The following TMEM156 variants were observed in gnomAD, a reference collection of about 807,000 sequenced individuals.
The protein encoded by TMEM156 is transmembrane protein 156.
TMEM156 carries 28 observed loss-of-function variants against 30.5 expected under a neutral mutation model. That is an observed-to-expected ratio of 0.92 (90% CI 0.68 to 1.26). The LOEUF is 1.26. TMEM156 is among the 50% of genes most tolerant of loss of function. The probability of loss-of-function intolerance (pLI) is 0.00; values close to 1 mark genes in which losing one functional copy is unlikely to be tolerated. For missense variants in TMEM156, 351 were observed against 340.6 expected (o/e 1.03, Z -0.24); for synonymous variants, 137 against 119.9 (o/e 1.14, Z -0.93).
At chr4:38,988,774 G>T (rs576643954) in intron 4 of TMEM156, 77 bp downstream of exon 4, 1 of 1,574,700 alleles carries the variant, frequency 6.4e-7, no homozygotes, top group Non-Finnish European at 8.7e-7. Flanking sequence ...CACAAGAAAT[G>T]CTAAATTGTA....
intron 5 of TMEM156, among the ~76,000 whole-genome samples, chr4:38,975,096 A>C (rs758550227): frequency 1.3e-5 from 2 of 152,136 alleles, no homozygotes; most frequent in Non-Finnish European, 2.9e-5. Context: ...CTAAAGTTAG[A>C]ATTTCTTCTT....
At chr4:38,997,406 ATGTACACCC>A (rs1488140196) in intron 2 of TMEM156, among the ~76,000 whole-genome samples, 1 of 152,212 alleles carries the variant, frequency 6.6e-6, no homozygotes, top group Non-Finnish European at 1.5e-5. Context: ...AAACTTGCAC[ATGTACACCC>A]TGAATCTATA....
In TMEM156 at chr4:38,998,729, A is replaced by C. The variant is rs1279003373; in HGVS notation, c.269T>G (p.Ile90Ser). ...GGAGCACATTTTAAATTCACCTGTG[A>C]TGTCTTGGCAAGTCCTGGTGAAGTT... ...FRNFTRTCQD[I>S]TGEFKMCSSC... Residue 90 changes from isoleucine (I) to serine (S), a missense_variant, in exon 2 of 7, where the codon ATC becomes AGC. Ile to Ser is a moderately radical substitution (Grantham distance 142). Coordinates refer to ENST00000381938, the MANE Select transcript of TMEM156 (RefSeq NM_024943.3). 13 of 1,613,916 alleles carry C rather than the reference A, an allele frequency of 8.1e-6. No homozygotes were observed. The South Asian group carries it at 1.4e-4, about 18-fold the overall frequency.
At chr4:39,011,242 A>C (rs1057038464) in intron 1 of TMEM156, among the ~76,000 whole-genome samples, 2 of 152,254 alleles carry the variant, frequency 1.3e-5, no homozygotes, top group South Asian at 2.1e-4. Flanking sequence ...CTATTATTTA[A>C]AAAATCACAG....
rs1212154469 is a variant in TMEM156, at chr4:38,993,764, G to A, written c.593C>T (p.Ser198Phe). The change falls in exon 3 of 7, where the codon TCT (serine) becomes TTT (phenylalanine). Residue 198 changes from serine to phenylalanine, a missense_variant. Ser to Phe is a radical substitution (Grantham distance 155). Coordinates refer to ENST00000381938, the MANE Select transcript of TMEM156 (RefSeq NM_024943.3). ...TTTTATATCCATCTCTAGGTGCAAA[G>A]AAATGTGTATACAATCATTCGGGTA... The part of the protein sequence containing the change: ...MEYPNDCIHI[S>F]LHLEMDIKNI... 4 of 1,613,304 alleles carry A rather than the reference G, an allele frequency of 2.5e-6. No individual in the cohort carries two copies. The highest frequency in any genetic ancestry group is 2.2e-5 in the South Asian group (2 of 91,062).
intron 5 of TMEM156, among the ~76,000 whole-genome samples, chr4:38,974,207 C>CCT (rs1553876491): frequency 7.5e-6 from 1 of 134,120 alleles, no homozygotes; most frequent in Non-Finnish European, 1.6e-5. Flanking sequence ...TTCTTTCTCT[C>CCT]TTTTTTTTTT....
At chr4:38,974,577 G>A (rs1052260068) in intron 5 of TMEM156, among the ~76,000 whole-genome samples, 1 of 151,894 alleles carries the variant, frequency 6.6e-6, no homozygotes, top group African/African-American at 2.4e-5. Context: ...TTTCTTCCAT[G>A]ACAATTTAGA....
At chr4:38,972,562 T>C (rs911511807) in intron 5 of TMEM156, among the ~76,000 whole-genome samples, 7 of 148,386 alleles carry the variant, frequency 4.7e-5, no homozygotes, top group African/African-American at 1.7e-4. Flanking sequence ...CTTTCTTTCT[T>C]TTTTTTTTTT....
At chr4:39,018,419 G>T (rs1232564427) in intron 1 of TMEM156, among the ~76,000 whole-genome samples, 1 of 152,050 alleles carries the variant, frequency 6.6e-6, no homozygotes, top group East Asian at 1.9e-4. Flanking sequence ...GTTTATAATT[G>T]TTGTTGAGGT....
At chr4:38,990,681 C>T (rs543442602) in intron 3 of TMEM156, among the ~76,000 whole-genome samples, 1 of 152,118 alleles carries the variant, frequency 6.6e-6, no homozygotes, top group South Asian at 2.1e-4. Context: ...CTGGGGGGAA[C>T]ATCGAGGAAC....
At chr4:39,022,235 A>G (rs1022055729) in intron 1 of TMEM156, among the ~76,000 whole-genome samples, 1 of 152,198 alleles carries the variant, frequency 6.6e-6, no homozygotes, top group Admixed American at 6.5e-5. Flanking sequence ...TAAACTCTCA[A>G]AGGACTCTTT....
In TMEM156 at chr4:39,031,906, TAAAAAAA is replaced by T. The variant is rs376802751; in HGVS notation, c.88+313_88+319del. Among the ~76,000 whole-genome samples the T allele has an allele frequency of 4.4e-4, 30 of 67,586 alleles. 1 individual carries two copies. Among genetic ancestry groups the T allele is most frequent in the Admixed American group, 9.7e-4 (6 of 6,192 alleles). The allele number at this position is 67,586 out of a possible 152,430, so 44.3% of individuals were successfully genotyped here. A position where few individuals can be genotyped will look rare whatever the true frequency, so the allele number is the denominator to read the frequency against. ...AAAAAAAAAATAAAAAATAAAAAAA[TAAAAAAA>T]AACTGCTTTGAAGAAAGTGTTTCAA... On this transcript the variant is annotated intron_variant, in intron 1 of 6. Coordinates refer to ENST00000381938, the MANE Select transcript of TMEM156 (RefSeq NM_024943.3).
Position 38,993,748 on chromosome 4 carries a change from C to T in TMEM156, c.609G>A (p.Met203Ile). Reference sequence around the variant, plus strand: ...TCCTTAAAAACTTACTTTTTATATCCATCTCTAGGTGCAAAGAAATGTGTA... The same window carrying T: ...TCCTTAAAAACTTACTTTTTATATCTATCTCTAGGTGCAAAGAAATGTGTA... The part of the protein sequence containing the change: ...DCIHISLHLE[M>I]DIKNITCSMK... The change falls in exon 3 of 7, where the codon ATG becomes ATA. Residue 203 changes from methionine to isoleucine, a missense_variant. Transcript: ENST00000381938. 2 of 1,611,760 alleles carry T rather than the reference C, an allele frequency of 1.2e-6. No homozygotes were observed. The highest frequency in any genetic ancestry group is 1.7e-6 in the Non-Finnish European group (2 of 1,178,218).
chr4:39,013,733 A>AT (rs1280523350), intron 1 of TMEM156, among the ~76,000 whole-genome samples: 5 of 152,170 alleles, frequency 3.3e-5, no homozygotes, highest in African/African-American at 1.2e-4. Context: ...AAAAGTGTGT[A>AT]TTTAAAAAAG....
chr4:38,969,266 T>C (rs1722485700), intron 6 of TMEM156, among the ~76,000 whole-genome samples: 1 of 152,236 alleles, frequency 6.6e-6, no homozygotes, highest in Non-Finnish European at 1.5e-5. Context: ...CTCTGTTCTC[T>C]ATCTTTCCAC....
At chr4:39,023,864 A>C (rs1352138771) in intron 1 of TMEM156, among the ~76,000 whole-genome samples, 1 of 152,048 alleles carries the variant, frequency 6.6e-6, no homozygotes, top group African/African-American at 2.4e-5. Context: ...AAAAATAAAA[A>C]ATAAAAATAA....
chr4:38,987,885 A>C (rs1442212532), intron 4 of TMEM156, among the ~76,000 whole-genome samples: 1 of 152,158 alleles, frequency 6.6e-6, no homozygotes, highest in African/African-American at 2.4e-5. Flanking sequence ...TACATCTTGC[A>C]CTGTCTTTAA....
intron 5 of TMEM156, among the ~76,000 whole-genome samples, chr4:38,976,076 C>T (rs1722836780): frequency 6.6e-6 from 1 of 151,974 alleles, no homozygotes; most frequent in Non-Finnish European, 1.5e-5. Flanking sequence ...CACCCGAGGT[C>T]AGGAGATCGA....
At position 38,993,786 on chromosome 4, in the gene TMEM156, G is replaced by A; in HGVS notation, c.571C>T (p.Pro191Ser). The change falls in exon 3 of 7, where the codon CCG (proline) becomes TCG (serine). Residue 191 changes from proline (P) to serine (S), a missense_variant. Coordinates refer to ENST00000381938, the MANE Select transcript of TMEM156 (RefSeq NM_024943.3). ...AAAGAAATGTGTATACAATCATTCG[G>A]GTATTCCATGATTCTACAAGTGTAG... is the stretch of plus-strand genomic sequence containing the variant. ...INYTCRIMEY[P>S]NDCIHISLHL... The A allele has an allele frequency of 1.2e-6, 2 of 1,612,952 alleles. No homozygotes were observed. The highest frequency in any genetic ancestry group is 1.7e-6 in the Non-Finnish European group (2 of 1,179,090).
Sources: gnomAD v4.1 joint callset for allele counts (sites outside exome capture counted in the v4.1 genomes callset) on GRCh38, gnomAD v4.1.1 for gene constraint, MANE v1.5 for transcripts, NCBI Gene and HGNC (gene_info 2026-07-23, HGNC 2026-07-21) for gene names.